Variants in ANKRD44 observed in about 807,000 individuals in gnomAD.
ANKRD44 encodes the protein ankyrin repeat domain 44, also known as serine/threonine-protein phosphatase 6 regulatory ankyrin repeat subunit B.
ANKRD44 carries 35 observed loss-of-function variants against 116.0 expected under a neutral mutation model. That is an observed-to-expected ratio of 0.30 (90% CI 0.23 to 0.40). ANKRD44 has a LOEUF of 0.40. ANKRD44 is among the 10% of genes least tolerant of loss of function. ANKRD44 has a pLI of 1.00. For synonymous variants in ANKRD44, 435 were observed against 461.8 expected, an observed-to-expected ratio of 0.94 and a Z score of 0.74; for missense variants, 1,014 against 1,242.6, an observed-to-expected ratio of 0.82 and a Z score of 2.77.
At chr2:197,039,871 G>A (rs551318657) in intron 16 of ANKRD44, among the ~76,000 whole-genome samples, 2 of 152,060 alleles carry the variant, frequency 1.3e-5, no homozygotes, top group African/African-American at 4.8e-5. Context: ...TAAGATAAAT[G>A]ATCCTAAACT....
rs2075876870 is a variant in ANKRD44 at position 196,989,277 on chromosome 2, G to GAAA, written c.*313_*314insTTT. ...GTATATGGACATTTTCTCTAGTTTG[G>GAAA]CAAAAAAAAAAAAAAAGGTCAGCAC... On this transcript the variant is annotated 3_prime_UTR_variant, in exon 28 of 28. Transcript: ENST00000282272. 1.1e-6 allele frequency: 1 copy of GAAA among 898,100 alleles called. No homozygotes were observed. 55.6% of individuals were successfully genotyped at this position (898,100 alleles called of 1,614,324 possible). A position where few individuals can be genotyped will look rare whatever the true frequency, so the allele number is the denominator to read the frequency against.
intron 15 of ANKRD44, among the ~76,000 whole-genome samples, chr2:197,079,860 C>T (rs1018230523): frequency 2.0e-5 from 3 of 152,088 alleles, no homozygotes; most frequent in African/African-American, 7.2e-5. Context: ...AAGTCAATTA[C>T]ACATAGGGAC....
rs1264338016 is a variant in ANKRD44, at chr2:197,232,691, GA to G, written c.28-45586del. Among the ~76,000 whole-genome samples the G allele has an allele frequency of 2.0e-5, 3 of 152,208 alleles. No individual in the cohort carries two copies. The East Asian group carries it at 5.8e-4, about 29-fold the overall frequency. On this transcript the variant is annotated intron_variant, in intron 1 of 27. Transcript: ENST00000282272. Reference sequence around the variant, plus strand: ...GCTACCTTTCAGCCCATCCCTCCTAGAAAAAAGGTTCTCTTAATGGCAGGGA... The same window carrying G: ...GCTACCTTTCAGCCCATCCCTCCTAGAAAAAGGTTCTCTTAATGGCAGGGA...
rs1323078099 is a variant in ANKRD44, at chr2:197,099,816, T to A, written c.1100A>T (p.Lys367Met). The A allele has an allele frequency of 3.7e-6, 6 of 1,613,928 alleles. No homozygotes were observed. Among genetic ancestry groups the A allele is most frequent in the Non-Finnish European group, 4.2e-6 (5 of 1,179,932 alleles). The change falls in exon 10 of 28, where the codon AAG becomes ATG. Residue 367 changes from lysine to methionine, a missense_variant and splice_region_variant. Physicochemically the swap from Lys to Met is moderately conservative, Grantham distance 95 (BLOSUM62 -1). Coordinates refer to ENST00000282272, the MANE Select transcript of ANKRD44 (RefSeq NM_001195144.2). ...TLITSGADTA[K>M]CGIHSMFPLH... is the part of the protein sequence containing the mutation. ...CCACCGTATTTTTGCGGTAACCTAC[T>A]TGGCTGTGTCAGCTCCGCTGGTTAT...
chr2:197,015,373 GA>G, intron 17 of ANKRD44: 9 of 575,882 alleles, frequency 1.6e-5, no homozygotes, highest in Non-Finnish European at 2.5e-5. Context: ...AGGCAGATTG[GA>G]AAAAAAGAGA....
chr2:196,986,145 T>G (rs1176932348), downstream of ANKRD44, among the ~76,000 whole-genome samples: 2 of 152,202 alleles, frequency 1.3e-5, no homozygotes, highest in Non-Finnish European at 2.9e-5. Context: ...TTTGTATTCT[T>G]TTTCTCTGTT....
At chr2:197,020,250 T>C (rs1159781407) in intron 17 of ANKRD44, among the ~76,000 whole-genome samples, 1 of 152,180 alleles carries the variant, frequency 6.6e-6, no homozygotes, top group Non-Finnish European at 1.5e-5. Context: ...TGGACTTAAC[T>C]TGCTTAAGTT....
At chr2:196,989,820 C>T (rs2075887412) in intron 27 of ANKRD44, 171 bp from the exon 28 acceptor site, 1 of 1,384,018 alleles carries the variant, frequency 7.2e-7, no homozygotes, top group African/African-American at 1.5e-5. Flanking sequence ...CTGAGAAGCT[C>T]ATTTTACTAC....
intron 1 of ANKRD44, among the ~76,000 whole-genome samples, chr2:197,282,844 G>A (rs2083304864): frequency 6.6e-6 from 1 of 152,080 alleles, no homozygotes; most frequent in Non-Finnish European, 1.5e-5. Context: ...TGTAATCCCG[G>A]GTACTCAGGA....
At chr2:197,108,194 T>C (rs2078479031) in intron 9 of ANKRD44, among the ~76,000 whole-genome samples, 1 of 152,132 alleles carries the variant, frequency 6.6e-6, no homozygotes, top group Non-Finnish European at 1.5e-5. Flanking sequence ...TACTGGCCAT[T>C]TATCCAGACA....
Position 197,086,761 on chromosome 2 carries a change from G to T in ANKRD44, c.1248-13C>A. The T allele has an allele frequency of 6.2e-7, 1 of 1,612,578 alleles. No individual in the cohort carries two copies. Among genetic ancestry groups the T allele is most frequent in the Non-Finnish European group, 8.5e-7 (1 of 1,179,120 alleles). ...ACATTCCACATTACTAGAAAGACAGGGAAAACATCATTAAGATGGAAGAGA... is the reference window on the plus strand; with the variant it reads ...ACATTCCACATTACTAGAAAGACAGTGAAAACATCATTAAGATGGAAGAGA... On this transcript the variant is annotated splice_polypyrimidine_tract_variant and intron_variant, in intron 12 of 27. Coordinates refer to ENST00000282272, the MANE Select transcript of ANKRD44 (RefSeq NM_001195144.2).
At position 197,112,711 on chromosome 2, in the gene ANKRD44, AAAAAAAAAAAAG is replaced by A. The variant is rs1396256585; in HGVS notation, c.907-1879_907-1868del. Among the ~76,000 whole-genome samples, 916 of 149,632 alleles carry A rather than the reference AAAAAAAAAAAAG, an allele frequency of 6.1e-3. 12 individuals carry two copies. The highest frequency in any genetic ancestry group is 0.022 in the African/African-American group (886 of 40,428). On this transcript the variant is annotated intron_variant, in intron 8 of 27. Coordinates refer to ENST00000282272, the MANE Select transcript of ANKRD44 (RefSeq NM_001195144.2). The stretch of plus-strand genomic sequence containing the variant: ...CGACAGAGCGAGACTCCGTCTCAAA[AAAAAAAAAAAAG>A]AAAAAAAGAAAAGAAAAAAAAAGAA...
intron 1 of ANKRD44, among the ~76,000 whole-genome samples, chr2:197,249,551 C>A (rs937321187): frequency 6.6e-6 from 1 of 152,170 alleles, no homozygotes; most frequent in Non-Finnish European, 1.5e-5. Flanking sequence ...GTAATTTCAG[C>A]AAACACACTC....
At chr2:197,026,129 C>T (rs2076590773) in intron 16 of ANKRD44, among the ~76,000 whole-genome samples, 1 of 150,506 alleles carries the variant, frequency 6.6e-6, no homozygotes, top group Admixed American at 6.6e-5. Context: ...TAGATGAGTG[C>T]ACAATAGTGC....
At chr2:197,079,084 A>AT (rs2077736890) in intron 15 of ANKRD44, among the ~76,000 whole-genome samples, 1 of 151,702 alleles carries the variant, frequency 6.6e-6, no homozygotes, top group Non-Finnish European at 1.5e-5. Context: ...GGTAATTACG[A>AT]TTTTTTTCTC....
chr2:196,990,823 C>T (rs2075901332), intron 27 of ANKRD44: 1 of 1,232,132 alleles, frequency 8.1e-7, no homozygotes, highest in African/African-American at 1.6e-5. Flanking sequence ...AAGTTGACAG[C>T]CATCATTGTA....
At chr2:197,148,659 G>C (rs890419832) in intron 2 of ANKRD44, among the ~76,000 whole-genome samples, 6 of 152,110 alleles carry the variant, frequency 3.9e-5, no homozygotes, top group African/African-American at 1.2e-4. Context: ...TGGCAGGCAG[G>C]GGACACAACA....
At chr2:197,092,456 C>T (rs1450697618) in intron 10 of ANKRD44, among the ~76,000 whole-genome samples, 1 of 152,196 alleles carries the variant, frequency 6.6e-6, no homozygotes, top group South Asian at 2.1e-4. Flanking sequence ...CATTCACAGA[C>T]ATTTCATGGT....
chr2:197,157,920 C>T (rs1317630307), intron 2 of ANKRD44, among the ~76,000 whole-genome samples: 2 of 152,146 alleles, frequency 1.3e-5, no homozygotes, highest in East Asian at 3.9e-4. Context: ...CAGACATTCC[C>T]AAGTGACAGA....
Sources: gnomAD v4.1 joint callset for allele counts (sites outside exome capture counted in the v4.1 genomes callset) on GRCh38, gnomAD v4.1.1 for gene constraint, MANE v1.5 for transcripts, NCBI Gene and HGNC (gene_info 2026-07-23, HGNC 2026-07-21) for gene names.